The following ATE1 variants were observed in gnomAD, a reference collection of about 807,000 sequenced individuals.
ATE1 encodes arginyltransferase 1.
Under a neutral mutation model 70.5 loss-of-function variants are expected in ATE1, and 36 were observed. The observed-to-expected ratio is 0.51, with a 90% CI of 0.39 to 0.67. The LOEUF (loss-of-function observed/expected upper bound fraction) is 0.67. Ranked by LOEUF, ATE1 falls within the 30% of genes least tolerant of loss-of-function variation. The pLI is 0.00. For synonymous variants in ATE1, 232 were observed against 219.3 expected, an observed-to-expected ratio of 1.06 and a Z score of -0.51; for missense variants, 593 against 629.5, an observed-to-expected ratio of 0.94 and a Z score of 0.62.
intron 3 of ATE1, among the ~76,000 whole-genome samples, chr10:121,917,036 C>T (rs1383529470): frequency 6.6e-6 from 1 of 150,984 alleles, no homozygotes; most frequent in Non-Finnish European, 1.5e-5. Context: ...TAGTGGTGGG[C>T]GCCTGTAATC....
intron 11 of ATE1, among the ~76,000 whole-genome samples, chr10:121,744,069 T>A (rs1314352392): frequency 6.6e-6 from 1 of 151,566 alleles, no homozygotes; most frequent in African/African-American, 2.4e-5. Context: ...ATTACAGGTG[T>A]GTGCCACCAC....
chr10:121,793,399 G>A (rs1390267138), intron 10 of ATE1, among the ~76,000 whole-genome samples: 1 of 152,134 alleles, frequency 6.6e-6, no homozygotes, highest in African/African-American at 2.4e-5. Flanking sequence ...TCCTTCAACT[G>A]GGAATGTTGG....
At chr10:121,785,117 T>C (rs1402971735) in intron 11 of ATE1, among the ~76,000 whole-genome samples, 2 of 152,190 alleles carry the variant, frequency 1.3e-5, no homozygotes, top group African/African-American at 4.8e-5. Flanking sequence ...AAAGAATATA[T>C]GTTTATTAAG....
chr10:121,876,175 A>G (rs1357421173), intron 7 of ATE1, among the ~76,000 whole-genome samples: 1 of 152,212 alleles, frequency 6.6e-6, no homozygotes, highest in African/African-American at 2.4e-5. Context: ...GCTCAAAGCA[A>G]TGCCACAGAT....
chr10:121,850,781 C>A (rs2133868971), intron 8 of ATE1, among the ~76,000 whole-genome samples: 1 of 152,234 alleles, frequency 6.6e-6, no homozygotes, highest in Non-Finnish European at 1.5e-5. Flanking sequence ...CTAAGTAAGA[C>A]AGTAATTTAA....
intron 8 of ATE1, among the ~76,000 whole-genome samples, chr10:121,847,853 T>C (rs1185493071): frequency 1.3e-5 from 2 of 148,544 alleles, no homozygotes; most frequent in Non-Finnish European, 3.0e-5. Context: ...GGGCAGATCA[T>C]GAGCTCAGGA....
chr10:121,910,792 T>C (rs1951390527), intron 5 of ATE1, 114 bp downstream of exon 5: 1 of 1,410,686 alleles, frequency 7.1e-7, no homozygotes, highest in Non-Finnish European at 9.8e-7. Context: ...GGGTTCTGTT[T>C]TACAGACTGC....
At chr10:121,897,782 C>T (rs906358121) in intron 7 of ATE1, among the ~76,000 whole-genome samples, 17 of 149,814 alleles carry the variant, frequency 1.1e-4, no homozygotes, top group South Asian at 6.4e-4. Flanking sequence ...GCAGAGATTG[C>T]GCCACTGCAC....
intron 1 of ATE1, chr10:121,926,670 G>A: frequency 1.1e-6 from 1 of 940,656 alleles, no homozygotes; most frequent in Non-Finnish European, 1.3e-6. Flanking sequence ...AAATATTATA[G>A]CCAAAATACA....
intron 3 of ATE1, among the ~76,000 whole-genome samples, chr10:121,919,517 C>T (rs912837795): frequency 2.6e-5 from 4 of 152,040 alleles, no homozygotes; most frequent in Non-Finnish European, 5.9e-5. Flanking sequence ...GCCGAGATAG[C>T]ACCACTGCAC....
chr10:121,801,288 G>A (rs1411487656), intron 10 of ATE1, among the ~76,000 whole-genome samples: 1 of 152,142 alleles, frequency 6.6e-6, no homozygotes, highest in East Asian at 1.9e-4. Flanking sequence ...TTACTTTAAA[G>A]CTTCTTTAAG....
intron 1 of ATE1, chr10:121,927,271 G>C (rs564956718): frequency 1.3e-4 from 125 of 984,768 alleles, no homozygotes; most frequent in Non-Finnish European, 1.5e-4. Flanking sequence ...ATTTCAAACA[G>C]ATCAGGACAA....
At chr10:121,755,582 C>A (rs1235330882) in intron 11 of ATE1, among the ~76,000 whole-genome samples, 1 of 152,128 alleles carries the variant, frequency 6.6e-6, no homozygotes, top group Non-Finnish European at 1.5e-5. Flanking sequence ...GGGCAATTTA[C>A]AAAAGAAAGA....
chr10:121,858,669 T>TAATATATATTTTATATATAA (rs1417290915), intron 8 of ATE1, among the ~76,000 whole-genome samples: 2 of 137,518 alleles, frequency 1.5e-5, no homozygotes, highest in African/African-American at 3.1e-5. Flanking sequence ...AATATATATA[T>TAATATATATTTTATATATAA]AATATATATA....
At chr10:121,888,537 TAA>T (rs1950479906) in intron 7 of ATE1, among the ~76,000 whole-genome samples, 1 of 152,102 alleles carries the variant, frequency 6.6e-6, no homozygotes, top group Non-Finnish European at 1.5e-5. Flanking sequence ...TATGATACAG[TAA>T]AAGAGTAAGA....
chr10:121,824,128 C>A (rs189337514), intron 10 of ATE1, among the ~76,000 whole-genome samples: 31 of 152,270 alleles, frequency 2.0e-4, no homozygotes, highest in Non-Finnish European at 2.8e-4. Flanking sequence ...CTCTAGGGGG[C>A]ATCAAAAATC....
intron 11 of ATE1, among the ~76,000 whole-genome samples, chr10:121,772,306 A>G (rs1202623585): frequency 6.6e-6 from 1 of 152,188 alleles, no homozygotes; most frequent in Non-Finnish European, 1.5e-5. Context: ...TTATTACTCA[A>G]CGTCTGAATT....
In ATE1 at chr10:121,743,530, C is replaced by A; in HGVS notation, c.*150G>T. 1 of 1,324,120 alleles carries A rather than the reference C, an allele frequency of 7.6e-7. No homozygotes were observed. Among genetic ancestry groups the A allele is most frequent in the Non-Finnish European group, 9.6e-7 (1 of 1,037,850 alleles). 82.0% of individuals were successfully genotyped at this position (1,324,120 alleles called of 1,614,324 possible). On this transcript the variant is annotated 3_prime_UTR_variant, in exon 12 of 12. Coordinates refer to ENST00000224652, the MANE Select transcript of ATE1 (RefSeq NM_001001976.3). ...CTATGAGATTCTCACAGATACATTG[C>A]CACAAAATATTTTTTAAAAGCCATA... is the stretch of plus-strand genomic sequence containing the variant.
chr10:121,762,606 G>A (rs564447235), intron 11 of ATE1, among the ~76,000 whole-genome samples: 1 of 152,246 alleles, frequency 6.6e-6, no homozygotes, highest in Non-Finnish European at 1.5e-5. Context: ...TGAACTGGTG[G>A]GTCTAAATGG....
Sources: gnomAD v4.1 joint callset for allele counts (sites outside exome capture counted in the v4.1 genomes callset) on GRCh38, gnomAD v4.1.1 for gene constraint, MANE v1.5 for transcripts, NCBI Gene and HGNC (gene_info 2026-07-23, HGNC 2026-07-21) for gene names.